CLSTN2: variants seen among roughly 807,000 people sequenced by gnomAD.
CLSTN2 encodes calsyntenin-2.
In CLSTN2, 48 loss-of-function variants were observed where a neutral mutation model predicts 101.2. That is an observed-to-expected ratio of 0.47 (90% CI 0.38 to 0.60). The LOEUF (loss-of-function observed/expected upper bound fraction) is 0.60. Among genes scored for constraint, CLSTN2 ranks in the 20% least tolerant of loss-of-function variants. The pLI is 0.00. For missense variants in CLSTN2, 1,160 were observed against 1,238.2 expected (o/e 0.94, Z 0.95); for synonymous variants, 481 against 463.6 (o/e 1.04, Z -0.48).
chr3:140,204,316 C>A (rs2010754074), intron 2 of CLSTN2, among the ~76,000 whole-genome samples: 1 of 152,170 alleles, frequency 6.6e-6, no homozygotes, highest in Admixed American at 6.5e-5. Flanking sequence ...TGCCAGACCT[C>A]ACGGCTTATC....
intron 2 of CLSTN2, among the ~76,000 whole-genome samples, chr3:140,336,593 C>T (rs745960829): frequency 2.0e-5 from 3 of 152,172 alleles, no homozygotes; most frequent in Non-Finnish European, 4.4e-5. Flanking sequence ...CATAGAGACC[C>T]CACCTAGCCA....
At chr3:140,140,115 G>A (rs1481774755) in intron 1 of CLSTN2, among the ~76,000 whole-genome samples, 1 of 152,208 alleles carries the variant, frequency 6.6e-6, no homozygotes, top group Non-Finnish European at 1.5e-5. Context: ...ATGTGCATTT[G>A]TAGCAAGTTT....
At chr3:140,184,558 G>A (rs79148296) in intron 2 of CLSTN2, among the ~76,000 whole-genome samples, 1,939 of 152,184 alleles carry the variant, frequency 0.013, 32 homozygotes, top group African/African-American at 0.044. Context: ...ATTACAATTC[G>A]AGATGAGATT....
At chr3:140,502,619 T>C (rs181194997) in intron 8 of CLSTN2, among the ~76,000 whole-genome samples, 19 of 152,288 alleles carry the variant, frequency 1.2e-4, no homozygotes, top group Middle Eastern at 3.4e-3. Context: ...TCAGAGCACA[T>C]TGTGCCTGGC....
intron 2 of CLSTN2, among the ~76,000 whole-genome samples, chr3:140,185,147 G>C (rs2010468589): frequency 6.6e-6 from 1 of 152,050 alleles, no homozygotes; most frequent in South Asian, 2.1e-4. Context: ...CCAAGTCCGG[G>C]GGACTTGGCA....
chr3:140,375,632 T>A (rs2087909563), intron 2 of CLSTN2, among the ~76,000 whole-genome samples: 1 of 152,226 alleles, frequency 6.6e-6, no homozygotes, highest in Non-Finnish European at 1.5e-5. Context: ...CTCTCTTTTA[T>A]CTCACTTTTA....
intron 2 of CLSTN2, among the ~76,000 whole-genome samples, chr3:140,215,816 A>G (rs2010913088): frequency 6.6e-6 from 1 of 152,224 alleles, no homozygotes; most frequent in Admixed American, 6.5e-5. Context: ...AAAATGCTTA[A>G]AACAGTGCTT....
At chr3:140,016,517 C>T (rs2007204465) in intron 1 of CLSTN2, among the ~76,000 whole-genome samples, 2 of 152,010 alleles carry the variant, frequency 1.3e-5, no homozygotes, top group African/African-American at 4.8e-5. Context: ...AAAAAACTCA[C>T]AGGCTGGGCA....
At chr3:140,321,049 C>T (rs945105502) in intron 2 of CLSTN2, among the ~76,000 whole-genome samples, 23 of 152,176 alleles carry the variant, frequency 1.5e-4, no homozygotes, top group Middle Eastern at 3.4e-3. Context: ...TCATCTTTCG[C>T]GGGGTATGGG....
chr3:140,045,138 CG>C (rs1444865752), intron 1 of CLSTN2, among the ~76,000 whole-genome samples: 3 of 152,054 alleles, frequency 2.0e-5, no homozygotes, highest in Non-Finnish European at 2.9e-5. Flanking sequence ...TGGTAGAATT[CG>C]GCTGTGAATC....
At chr3:140,179,711 T>G (rs755291996) in intron 2 of CLSTN2, among the ~76,000 whole-genome samples, 2 of 151,208 alleles carry the variant, frequency 1.3e-5, no homozygotes, top group Non-Finnish European at 2.9e-5. Context: ...TAATGAAAAT[T>G]TGCCATTTTA....
At chr3:140,393,570 C>T (rs764163866) in intron 2 of CLSTN2, among the ~76,000 whole-genome samples, 8 of 152,178 alleles carry the variant, frequency 5.3e-5, no homozygotes, top group Admixed American at 1.3e-4. Context: ...CAGAGGTAAT[C>T]GGACATGGTA....
intron 4 of CLSTN2, among the ~76,000 whole-genome samples, chr3:140,420,378 A>T (rs9653940): frequency 0.017 from 2,540 of 152,250 alleles, 73 homozygotes; most frequent in African/African-American, 0.057. Flanking sequence ...TATTAAATTC[A>T]CTTTAGGTCT....
At chr3:140,327,857 A>T (rs1233110621) in intron 2 of CLSTN2, among the ~76,000 whole-genome samples, 1 of 152,230 alleles carries the variant, frequency 6.6e-6, no homozygotes, top group African/African-American at 2.4e-5. Flanking sequence ...TAGTTGTCAG[A>T]TATACTTAGC....
chr3:140,561,593 T>C (rs1193518367), intron 12 of CLSTN2, among the ~76,000 whole-genome samples: 1 of 152,212 alleles, frequency 6.6e-6, no homozygotes, highest in African/African-American at 2.4e-5. Context: ...TAATAACAAT[T>C]CCATGCTAGC....
At chr3:140,298,093 T>G (rs1305137307) in intron 2 of CLSTN2, among the ~76,000 whole-genome samples, 1 of 152,334 alleles carries the variant, frequency 6.6e-6, no homozygotes, top group African/African-American at 2.4e-5. Context: ...CTAGGCATTG[T>G]GCTATAGAGG....
At chr3:140,466,563 T>A (rs1330645147) in intron 7 of CLSTN2, 47 bp from the exon 8 acceptor site, 1 of 1,612,780 alleles carries the variant, frequency 6.2e-7, no homozygotes, top group Admixed American at 1.7e-5. Flanking sequence ...TGGTGGAGGC[T>A]GACACAGGGG....
At chr3:140,147,885 T>G (rs2009804208) in intron 1 of CLSTN2, among the ~76,000 whole-genome samples, 2 of 152,224 alleles carry the variant, frequency 1.3e-5, no homozygotes, top group African/African-American at 4.8e-5. Flanking sequence ...ACTACCCTTG[T>G]CATTTTTTAG....
chr3:140,085,547 A>G (rs531183305), intron 1 of CLSTN2, among the ~76,000 whole-genome samples: 3 of 152,094 alleles, frequency 2.0e-5, no homozygotes, highest in African/African-American at 4.8e-5. Context: ...TGAGAATCCA[A>G]ATCCTCTGGG....
Sources: gnomAD v4.1 joint callset for allele counts (sites outside exome capture counted in the v4.1 genomes callset) on GRCh38, gnomAD v4.1.1 for gene constraint, MANE v1.5 for transcripts, NCBI Gene and HGNC (gene_info 2026-07-23, HGNC 2026-07-21) for gene names.